Variants in WIPF2 observed in about 807,000 individuals in gnomAD.
The protein encoded by WIPF2 is WAS/WASL interacting protein family member 2.
WIPF2 carries 23 observed loss-of-function variants against 38.8 expected under a neutral mutation model. The ratio of observed to expected loss-of-function variants is 0.59; its 90% CI spans 0.43 to 0.84. The LOEUF (loss-of-function observed/expected upper bound fraction) is 0.84, where lower values mean the gene tolerates loss of function less well. WIPF2 is among the 40% of genes least tolerant of loss of function. The pLI, the probability that WIPF2 is intolerant of heterozygous loss-of-function variation, is 0.00. For missense variants in WIPF2, 574 were observed against 580.5 expected, an observed-to-expected ratio of 0.99 and a Z score of 0.11; for synonymous variants, 210 against 223.2, an observed-to-expected ratio of 0.94 and a Z score of 0.53.
chr17:40,236,648 G>A (rs1183984524), intron 1 of WIPF2, among the ~76,000 whole-genome samples: 3 of 142,358 alleles, frequency 2.1e-5, no homozygotes, highest in African/African-American at 5.3e-5. Flanking sequence ...TCACTCTGTC[G>A]CCCAGGCAGG....
intron 1 of WIPF2, chr17:40,220,366 A>T (rs1158537649): frequency 6.6e-6 from 1 of 151,694 alleles, no homozygotes; most frequent in Non-Finnish European, 1.5e-5. Flanking sequence ...GCATTGAGGC[A>T]AGGAACTGAT....
intron 5 of WIPF2, among the ~76,000 whole-genome samples, chr17:40,265,424 G>C (rs1443641915): frequency 6.6e-6 from 1 of 152,182 alleles, no homozygotes; most frequent in Non-Finnish European, 1.5e-5. Flanking sequence ...GCGGAGGTCG[G>C]GATGATGATA....
rs910321352 is a variant in WIPF2, at chr17:40,278,176, T to C, written c.1283-9T>C. 2 of 1,612,274 alleles carry C rather than the reference T, an allele frequency of 1.2e-6. No individual in the cohort carries two copies. Among genetic ancestry groups the C allele is most frequent in the Non-Finnish European group, 1.7e-6 (2 of 1,179,206 alleles). Reference sequence around the variant, plus strand: ...GTATGTGTGTGGTCTTTATTTTGTTTTTTTTCAGCTGCCCGTGGAGCCCCA... The same window carrying C: ...GTATGTGTGTGGTCTTTATTTTGTTCTTTTTCAGCTGCCCGTGGAGCCCCA... On this transcript the variant is annotated splice_polypyrimidine_tract_variant and intron_variant, in intron 7 of 7. Transcript: ENST00000323571.
At chr17:40,223,434 C>G (rs1315287518) in intron 1 of WIPF2, among the ~76,000 whole-genome samples, 1 of 151,586 alleles carries the variant, frequency 6.6e-6, no homozygotes, top group African/African-American at 2.4e-5. Flanking sequence ...GTGATAGCAC[C>G]AAGGTGAAAT....
chr17:40,268,375 C>CT (rs564996885), intron 5 of WIPF2, among the ~76,000 whole-genome samples: 9 of 151,292 alleles, frequency 5.9e-5, no homozygotes, highest in Non-Finnish European at 1.0e-4. Flanking sequence ...TCAGGTTTGA[C>CT]TTTTTTTTTA....
At chr17:40,237,348 C>T (rs1018894928) in intron 1 of WIPF2, among the ~76,000 whole-genome samples, 3 of 149,286 alleles carry the variant, frequency 2.0e-5, no homozygotes, top group Admixed American at 1.3e-4. Context: ...TCAAGGGATT[C>T]CCCTGCCTCA....
In WIPF2 at chr17:40,279,709, T is replaced by TCTCA. The variant is rs1430822975; in HGVS notation, c.*1484_*1485insCTCA. On this transcript the variant is annotated 3_prime_UTR_variant, in exon 8 of 8. Coordinates refer to ENST00000323571, the MANE Select transcript of WIPF2 (RefSeq NM_133264.5). Reference sequence around the variant, plus strand: ...GGTTTTCTACAACTGTTGCTATGTGTAGAGGGTGCTCAGAGCGTGGCATGA... The same window carrying TCTCA: ...GGTTTTCTACAACTGTTGCTATGTGTCTCAAGAGGGTGCTCAGAGCGTGGCATGA... The TCTCA allele has an allele frequency of 1.3e-5, 2 of 152,278 alleles. No individual in the cohort carries two copies. The highest frequency in any genetic ancestry group is 2.9e-5 in the Non-Finnish European group (2 of 68,030). 9.4% of individuals were successfully genotyped at this position (152,278 alleles called of 1,614,324 possible). A position where few individuals can be genotyped will look rare whatever the true frequency, so the allele number is the denominator to read the frequency against.
intron 1 of WIPF2, among the ~76,000 whole-genome samples, chr17:40,224,231 CTT>C (rs57637591): frequency 1.8e-5 from 2 of 110,116 alleles, no homozygotes; most frequent in Non-Finnish European, 1.9e-5. Flanking sequence ...CTTTTCTTTT[CTT>C]TTTTTTTTTT....
rs1209480846 is a variant in WIPF2, at chr17:40,265,164, C to T, written c.970+18C>T. 1.8e-5 allele frequency: 28 copies of T among 1,573,620 alleles called. No individual in the cohort carries two copies. The highest frequency in any genetic ancestry group is 2.4e-5 in the Non-Finnish European group (28 of 1,160,736). On this transcript the variant is annotated intron_variant, in intron 5 of 7. Transcript: ENST00000323571. ...GGGAGCAGGTAAGTGCTTGGAAGCACCTTTTTCCCTATCATGCTGTGAGTT... is the reference window on the plus strand; with the variant it reads ...GGGAGCAGGTAAGTGCTTGGAAGCATCTTTTTCCCTATCATGCTGTGAGTT...
chr17:40,256,093 C>CT (rs1448656813), intron 1 of WIPF2, among the ~76,000 whole-genome samples: 1 of 93,838 alleles, frequency 1.1e-5, no homozygotes, highest in Non-Finnish European at 2.0e-5. Flanking sequence ...GTCCCAGGGT[C>CT]TTTAAAAAAA....
At chr17:40,273,015 G>C (rs761016314) in intron 5 of WIPF2, among the ~76,000 whole-genome samples, 4 of 152,074 alleles carry the variant, frequency 2.6e-5, no homozygotes, top group Non-Finnish European at 5.9e-5. Flanking sequence ...GTAAGCAAAG[G>C]CTTTGAGACT....
At chr17:40,246,605 C>T (rs1278422737) in intron 1 of WIPF2, among the ~76,000 whole-genome samples, 2 of 151,466 alleles carry the variant, frequency 1.3e-5, no homozygotes, top group Non-Finnish European at 2.9e-5. Flanking sequence ...CTATGTTGGC[C>T]AGGTTGGTCT....
chr17:40,253,900 C>T (rs2031638428), intron 1 of WIPF2, among the ~76,000 whole-genome samples: 1 of 152,138 alleles, frequency 6.6e-6, no homozygotes, highest in East Asian at 1.9e-4. Flanking sequence ...CCTTTCCTTT[C>T]ATCATTCCCA....
intron 4 of WIPF2, 111 bp from the exon 5 acceptor site, chr17:40,264,373 ATTATTC>A: frequency 1.3e-6 from 1 of 788,550 alleles, no homozygotes. Flanking sequence ...AAAACCCAGA[ATTATTC>A]AATTCCTTTC....
At chr17:40,235,855 T>C (rs1471451822) in intron 1 of WIPF2, among the ~76,000 whole-genome samples, 1 of 152,080 alleles carries the variant, frequency 6.6e-6, no homozygotes, top group Admixed American at 6.6e-5. Flanking sequence ...ATTACAGGCA[T>C]GAGCCACCGC....
intron 1 of WIPF2, among the ~76,000 whole-genome samples, chr17:40,246,983 C>T (rs1232269699): frequency 6.6e-6 from 1 of 151,430 alleles, no homozygotes; most frequent in Non-Finnish European, 1.5e-5. Flanking sequence ...TGGTGGTGTG[C>T]GCCTATAATC....
chr17:40,223,599 G>GGGTTT (rs1216607863), intron 1 of WIPF2, among the ~76,000 whole-genome samples: 1 of 130,308 alleles, frequency 7.7e-6, no homozygotes, highest in East Asian at 2.2e-4. Context: ...TTTTTTTTGG[G>GGGTTT]TTTTTTTTTT....
At chr17:40,278,041 C>A in intron 7 of WIPF2, 144 bp from the exon 8 acceptor site, 1 of 1,030,090 alleles carries the variant, frequency 9.7e-7, no homozygotes, top group Non-Finnish European at 1.4e-6. Flanking sequence ...TCTTCATTTT[C>A]TTAGGCAAAA....
At chr17:40,262,000 A>C (rs1348476745) in intron 3 of WIPF2, among the ~76,000 whole-genome samples, 1 of 150,574 alleles carries the variant, frequency 6.6e-6, no homozygotes, top group East Asian at 1.9e-4. Flanking sequence ...TTTCTCTTTC[A>C]TCACAACAGA....
Sources: allele counts gnomAD v4.1 joint callset (sites outside exome capture counted in the v4.1 genomes callset), GRCh38; gene constraint gnomAD v4.1.1; transcripts MANE v1.5; gene names NCBI Gene and HGNC (gene_info 2026-07-23, HGNC 2026-07-21).